FOXD3: variants seen among roughly 807,000 people sequenced by gnomAD.
FOXD3 encodes the protein forkhead box D3, also known as forkhead box protein D3.
In FOXD3, 3 loss-of-function variants were observed where a neutral mutation model predicts 3.6. That is an observed-to-expected ratio of 0.84 (90% CI 0.38 to 2.18). FOXD3 has a LOEUF of 2.18. Among genes scored for constraint, FOXD3 ranks in the 30% most tolerant of loss-of-function variants. FOXD3 has a pLI of 0.06. For missense variants in FOXD3, 686 were observed against 731.6 expected (o/e 0.94, Z 0.72); for synonymous variants, 391 against 360.9 (o/e 1.08, Z -0.94).
rs1327098369 is a variant in FOXD3, at chr1:63,323,049, C to G, written c.-10C>G. On this transcript the variant is annotated 5_prime_UTR_variant, in exon 1 of 1. Transcript: ENST00000371116. This position sits in a 1 kb window ranked among gnomAD's most constrained non-coding sequence, Gnocchi z 6.8. Reference sequence around the variant, plus strand: ...CCCCTCCCCGCCGCCGCTACCAACCCCGAGGAGGGATGACCCTCTCCGGCG... The same window carrying G: ...CCCCTCCCCGCCGCCGCTACCAACCGCGAGGAGGGATGACCCTCTCCGGCG... 4.6e-6 allele frequency: 7 copies of G among 1,529,796 alleles called. No homozygotes were observed. The Admixed American group carries it at 7.9e-5, about 17-fold the overall frequency. 94.8% of individuals were successfully genotyped at this position (1,529,796 alleles called of 1,614,324 possible).
chr1:63,322,809 C>T lies in FOXD3; in HGVS notation c.-250C>T. The stretch of plus-strand genomic sequence containing the variant: ...GGTAGCGAGCGCCTAGTACCGAGCG[C>T]CAGGGACGGCAGGAGTTCGCGGAGC... On this transcript the variant is annotated 5_prime_UTR_variant, in exon 1 of 1. Transcript: ENST00000371116. The T allele has an allele frequency of 1.0e-6, 1 of 985,398 alleles. No individual in the cohort carries two copies. The highest frequency in any genetic ancestry group is 1.2e-6 in the Non-Finnish European group (1 of 829,916). 61.0% of individuals were successfully genotyped at this position (985,398 alleles called of 1,614,324 possible).
In FOXD3 at chr1:63,324,023, C is replaced by T; in HGVS notation, c.965C>T (p.Pro322Leu). Residue 322 changes from proline (P) to leucine (L), a missense_variant, in exon 1 of 1, where the codon CCC becomes CTC. Transcript: ENST00000371116. This position sits in a 1 kb window ranked among gnomAD's most constrained non-coding sequence, Gnocchi z 4.1. ...CTGCCTCCCGCTGTGCCGCTGCTGCCCTCGGGCGAGCTGGGCCGCAAAGCG... is the reference window on the plus strand; with the variant it reads ...CTGCCTCCCGCTGTGCCGCTGCTGCTCTCGGGCGAGCTGGGCCGCAAAGCG... ...PVLPPAVPLL[P>L]SGELGRKAAA... 2.2e-6 allele frequency: 3 copies of T among 1,369,872 alleles called. No individual in the cohort carries two copies. Among genetic ancestry groups the T allele is most frequent in the Middle Eastern group, 2.7e-4 (1 of 3,754 alleles). 84.9% of individuals were successfully genotyped at this position (1,369,872 alleles called of 1,614,324 possible).
rs766785085 is a variant in FOXD3 at position 63,323,081 on chromosome 1, G to A, written c.23G>A (p.Ser8Asn). The change falls in exon 1 of 1, where the codon AGC becomes AAC. Residue 8 changes from serine to asparagine, a missense_variant. Ser to Asn is a conservative substitution (Grantham distance 46). This residue lies in a region of FOXD3 where 232 missense variants were observed against 214.0 expected (regional missense o/e 1.08). Coordinates refer to ENST00000371116, the MANE Select transcript of FOXD3 (RefSeq NM_012183.3). This position sits in a 1 kb window ranked among gnomAD's most constrained non-coding sequence, Gnocchi z 6.8. MTLSGGG[S>N]ASDMSGQTVL... is the part of the protein sequence containing the mutation. Reference sequence around the variant, plus strand: ...GGGATGACCCTCTCCGGCGGCGGCAGCGCCAGCGACATGTCCGGCCAGACG... The same window carrying A: ...GGGATGACCCTCTCCGGCGGCGGCAACGCCAGCGACATGTCCGGCCAGACG... 38 of 1,551,750 alleles carry A rather than the reference G, an allele frequency of 2.4e-5. No homozygotes were observed. The highest frequency in any genetic ancestry group is 1.1e-4 in the African/African-American group (8 of 72,024).
rs889342205 is a variant in FOXD3, at chr1:63,324,718, G to C, written c.*223G>C. On this transcript the variant is annotated 3_prime_UTR_variant, in exon 1 of 1. Transcript: ENST00000371116. This position sits in a 1 kb window ranked among gnomAD's most constrained non-coding sequence, Gnocchi z 4.1. The stretch of plus-strand genomic sequence containing the variant: ...GGTCGAGCAAACTCACCGCGCGCCC[G>C]CCGGGGATAGCTTTCCATACAGGTA... 1.8e-5 allele frequency: 10 copies of C among 565,520 alleles called. No homozygotes were observed. The Middle Eastern group carries it at 1.4e-3, about 78-fold the overall frequency. The allele number at this position is 565,520 out of a possible 1,614,324, so 35.0% of individuals were successfully genotyped here.
In FOXD3 at chr1:63,324,781, G is replaced by A. The variant is rs1170385793; in HGVS notation, c.*286G>A. Reference sequence around the variant, plus strand: ...GAATTTTCCAAAAATGCACCCCGACGGCGCCTGCTCTTAGTACCGTGGGGA... The same window carrying A: ...GAATTTTCCAAAAATGCACCCCGACAGCGCCTGCTCTTAGTACCGTGGGGA... On this transcript the variant is annotated 3_prime_UTR_variant, in exon 1 of 1. Coordinates refer to ENST00000371116, the MANE Select transcript of FOXD3 (RefSeq NM_012183.3). This position sits in a 1 kb window ranked among gnomAD's most constrained non-coding sequence, Gnocchi z 4.1. 2 of 507,490 alleles carry A rather than the reference G, an allele frequency of 3.9e-6. No homozygotes were observed. Among genetic ancestry groups the A allele is most frequent in the Non-Finnish European group, 7.1e-6 (2 of 282,488 alleles). 31.4% of individuals were successfully genotyped at this position (507,490 alleles called of 1,614,324 possible). A position where few individuals can be genotyped will look rare whatever the true frequency, so the allele number is the denominator to read the frequency against.
In FOXD3 at chr1:63,323,906, C is replaced by T; in HGVS notation, c.848C>T (p.Ala283Val). 2 of 1,338,248 alleles carry T rather than the reference C, an allele frequency of 1.5e-6. No individual in the cohort carries two copies. Among genetic ancestry groups the T allele is most frequent in the East Asian group, 3.1e-5 (1 of 32,256 alleles). 82.9% of individuals were successfully genotyped at this position (1,338,248 alleles called of 1,614,324 possible). Residue 283 changes from alanine to valine, a missense_variant, in exon 1 of 1, where the codon GCC (alanine) becomes GTC (valine). This residue lies in a region of FOXD3 where 370 missense variants were observed against 372.3 expected (regional missense o/e 0.99). Coordinates refer to ENST00000371116, the MANE Select transcript of FOXD3 (RefSeq NM_012183.3). The surrounding 1 kb of genome is among the most constrained non-coding windows in gnomAD (Gnocchi z 6.8). Reference sequence around the variant, plus strand: ...TACGGCCTGCACCCTGCGGCGGCGGCCGGTGCCTATTCGCACCCGGCAGCG... The same window carrying T: ...TACGGCCTGCACCCTGCGGCGGCGGTCGGTGCCTATTCGCACCCGGCAGCG... ...RPYGLHPAAAAGAYSHPAAAA... is the reference protein window; with the variant it reads ...RPYGLHPAAAVGAYSHPAAAA...
chr1:63,323,804 C>A lies in FOXD3; in HGVS notation c.746C>A (p.Thr249Lys), dbSNP rs770933954. The change falls in exon 1 of 1, where the codon ACG (threonine) becomes AAG (lysine). Residue 249 changes from threonine (T) to lysine (K), a missense_variant. This residue lies in a region of FOXD3 where 370 missense variants were observed against 372.3 expected (regional missense o/e 0.99). Transcript: ENST00000371116. The surrounding 1 kb of genome is among the most constrained non-coding windows in gnomAD (Gnocchi z 6.8). The part of the protein sequence containing the change: ...RHQQEHLREQ[T>K]ALMMQSFGAY... Reference sequence around the variant, plus strand: ...CAGCAGGAGCACCTGCGCGAGCAGACGGCGCTCATGATGCAGAGCTTCGGC... The same window carrying A: ...CAGCAGGAGCACCTGCGCGAGCAGAAGGCGCTCATGATGCAGAGCTTCGGC... 1 of 1,548,778 alleles carries A rather than the reference C, an allele frequency of 6.5e-7. No homozygotes were observed. The highest frequency in any genetic ancestry group is 1.4e-5 in the African/African-American group (1 of 72,000).
rs1221742712 is a variant in FOXD3 at position 63,323,315 on chromosome 1, C to T, written c.257C>T (p.Ala86Val). 6.5e-6 allele frequency: 9 copies of T among 1,381,552 alleles called. No individual in the cohort carries two copies. In the East Asian group the frequency reaches 2.5e-4, roughly 38 times the overall value. 85.6% of individuals were successfully genotyped at this position (1,381,552 alleles called of 1,614,324 possible). A position where few individuals can be genotyped will look rare whatever the true frequency, so the allele number is the denominator to read the frequency against. ...CCCCTGACATTGCCCAAGGAGGCGG[C>T]CGGAGCCGGGGCCGGACCGGGGGGC... ...QQPLTLPKEA[A>V]GAGAGPGGDV... Residue 86 changes from alanine to valine, a missense_variant, in exon 1 of 1, where the codon GCC becomes GTC. Transcript: ENST00000371116. This position sits in a 1 kb window ranked among gnomAD's most constrained non-coding sequence, Gnocchi z 6.8.
In FOXD3 at chr1:63,322,595, G is replaced by A; in HGVS notation, c.-464G>A. ...TAAAACGGGACTTTCGACTACCGGG[G>A]CTTCGGCGTCCCTGACACCCAGCCC... is the stretch of plus-strand genomic sequence containing the variant. On this transcript the variant is annotated 5_prime_UTR_variant, in exon 1 of 1. Coordinates refer to ENST00000371116, the MANE Select transcript of FOXD3 (RefSeq NM_012183.3). 3.1e-6 allele frequency: 3 copies of A among 977,876 alleles called. No individual in the cohort carries two copies. The highest frequency in any genetic ancestry group is 3.6e-6 in the Non-Finnish European group (3 of 821,928). 60.6% of individuals were successfully genotyped at this position (977,876 alleles called of 1,614,324 possible). A position where few individuals can be genotyped will look rare whatever the true frequency, so the allele number is the denominator to read the frequency against.
At position 63,322,659 on chromosome 1, in the gene FOXD3, A is replaced by T; in HGVS notation, c.-400A>T. On this transcript the variant is annotated 5_prime_UTR_variant, in exon 1 of 1. Coordinates refer to ENST00000371116, the MANE Select transcript of FOXD3 (RefSeq NM_012183.3). ...TACTGTCCCTGCCCGCGCCCTCCCG[A>T]GCTGCTCGGCGCCCGGCGTCCCGCG... The T allele has an allele frequency of 1.0e-6, 1 of 964,324 alleles. No individual in the cohort carries two copies. The highest frequency in any genetic ancestry group is 1.2e-6 in the Non-Finnish European group (1 of 811,336). 59.7% of individuals were successfully genotyped at this position (964,324 alleles called of 1,614,324 possible). A position where few individuals can be genotyped will look rare whatever the true frequency, so the allele number is the denominator to read the frequency against.
Position 63,323,333 on chromosome 1 carries a change from C to T in FOXD3, c.275C>T (p.Pro92Leu), listed in dbSNP as rs2100339073. The change falls in exon 1 of 1, where the codon CCG becomes CTG. Residue 92 changes from proline to leucine, a missense_variant. By Grantham distance (98) the Pro-to-Leu change is moderately conservative. Transcript: ENST00000371116. The surrounding 1 kb of genome is among the most constrained non-coding windows in gnomAD (Gnocchi z 6.8). ...PKEAAGAGAG[P>L]GGDVGAPEAD... ...GAGGCGGCCGGAGCCGGGGCCGGAC[C>T]GGGGGGCGACGTGGGCGCGCCGGAG... 7.4e-7 allele frequency: 1 copy of T among 1,348,686 alleles called. No homozygotes were observed. The allele number at this position is 1,348,686 out of a possible 1,614,324, so 83.5% of individuals were successfully genotyped here. A position where few individuals can be genotyped will look rare whatever the true frequency, so the allele number is the denominator to read the frequency against.
rs1202827482 is a variant in FOXD3 at position 63,323,482 on chromosome 1, C to T, written c.424C>T (p.Pro142Ser). Residue 142 changes from proline (P) to serine (S), a missense_variant, in exon 1 of 1, where the codon CCG becomes TCG. Physicochemically the swap from Pro to Ser is moderately conservative, Grantham distance 74 (BLOSUM62 -1). Coordinates refer to ENST00000371116, the MANE Select transcript of FOXD3 (RefSeq NM_012183.3). The surrounding 1 kb of genome is among the most constrained non-coding windows in gnomAD (Gnocchi z 6.8). ...PSKPKNSLVKPPYSYIALITM... is the reference protein window; with the variant it reads ...PSKPKNSLVKSPYSYIALITM... Reference sequence around the variant, plus strand: ...CAAGCCCAAGAACAGCCTAGTGAAGCCGCCTTACTCGTACATCGCGCTCAT... The same window carrying T: ...CAAGCCCAAGAACAGCCTAGTGAAGTCGCCTTACTCGTACATCGCGCTCAT... The T allele has an allele frequency of 1.9e-6, 3 of 1,613,738 alleles. No individual in the cohort carries two copies. The highest frequency in any genetic ancestry group is 2.5e-6 in the Non-Finnish European group (3 of 1,179,938).
In FOXD3 at chr1:63,323,424, G is replaced by A. The variant is rs764730613; in HGVS notation, c.366G>A (p.Ala122=). 1.3e-6 allele frequency: 2 copies of A among 1,554,864 alleles called. No individual in the cohort carries two copies. Among genetic ancestry groups the A allele is most frequent in the Admixed American group, 1.9e-5 (1 of 51,848 alleles). ...GCGCGAGCGGCGGCGGGCCTGGCGC[G>A]GGCAGCGGTTCGGCGGGAGGCCTGG... ...EGGASGGGPG[A]GSGSAGGLAP... Residue 122 remains alanine, a synonymous_variant, in exon 1 of 1, where the codon GCG becomes GCA. Transcript: ENST00000371116. This position sits in a 1 kb window ranked among gnomAD's most constrained non-coding sequence, Gnocchi z 6.8.
Position 63,323,151 on chromosome 1 carries a change from C to T in FOXD3, c.93C>T (p.Gly31=). 1.9e-6 allele frequency: 3 copies of T among 1,569,000 alleles called. No individual in the cohort carries two copies. The highest frequency in any genetic ancestry group is 1.4e-5 in the African/African-American group (1 of 72,624). ...EDVDIDVVGE[G]DDGLEEKDSD... Reference sequence around the variant, plus strand: ...TGGACATCGATGTGGTGGGCGAGGGCGACGACGGGCTGGAAGAGAAGGACA... The same window carrying T: ...TGGACATCGATGTGGTGGGCGAGGGTGACGACGGGCTGGAAGAGAAGGACA... Residue 31 remains glycine, a synonymous_variant, in exon 1 of 1, where the codon GGC becomes GGT. Transcript: ENST00000371116. The surrounding 1 kb of genome is among the most constrained non-coding windows in gnomAD (Gnocchi z 6.8).
In FOXD3 at chr1:63,323,880, C is replaced by G; in HGVS notation, c.822C>G (p.Pro274=). The G allele has an allele frequency of 6.6e-7, 1 of 1,517,944 alleles. No homozygotes were observed. The highest frequency in any genetic ancestry group is 8.8e-7 in the Non-Finnish European group (1 of 1,140,274). The allele number at this position is 1,517,944 out of a possible 1,614,324, so 94.0% of individuals were successfully genotyped here. Residue 274 remains proline, a synonymous_variant, in exon 1 of 1, where the codon CCC becomes CCG. Transcript: ENST00000371116. The surrounding 1 kb of genome is among the most constrained non-coding windows in gnomAD (Gnocchi z 6.8). The part of the protein sequence containing the change: ...AAGAAGPYGR[P]YGLHPAAAAG... ...GCGCCGCGGGACCCTACGGCCGCCC[C>G]TACGGCCTGCACCCTGCGGCGGCGG... is the stretch of plus-strand genomic sequence containing the variant.
chr1:63,325,008 A>T lies in FOXD3; in HGVS notation c.*513A>T, dbSNP rs764208341. ...ATTTTAAATATAAAAAATTTTCAAAAAGGCAAAAAGTGTCATTCTATTATA... is the reference window on the plus strand; with the variant it reads ...ATTTTAAATATAAAAAATTTTCAAATAGGCAAAAAGTGTCATTCTATTATA... On this transcript the variant is annotated 3_prime_UTR_variant, in exon 1 of 1. Coordinates refer to ENST00000371116, the MANE Select transcript of FOXD3 (RefSeq NM_012183.3). The T allele has an allele frequency of 5.9e-6, 1 of 168,084 alleles. No homozygotes were observed. Among genetic ancestry groups the T allele is most frequent in the Non-Finnish European group, 1.5e-5 (1 of 68,950 alleles). 10.4% of individuals were successfully genotyped at this position (168,084 alleles called of 1,614,324 possible). A position where few individuals can be genotyped will look rare whatever the true frequency, so the allele number is the denominator to read the frequency against.
chr1:63,323,557 A>G lies in FOXD3; in HGVS notation c.499A>G (p.Ile167Val). The change falls in exon 1 of 1, where the codon ATC becomes GTC. Residue 167 changes from isoleucine to valine, a missense_variant. By Grantham distance (29) the Ile-to-Val change is conservative. Coordinates refer to ENST00000371116, the MANE Select transcript of FOXD3 (RefSeq NM_012183.3). The surrounding 1 kb of genome is among the most constrained non-coding windows in gnomAD (Gnocchi z 6.8). ...SPQKKLTLSG[I>V]CEFISNRFPY... ...GCAGAAGAAGCTGACCCTGAGCGGC[A>G]TCTGCGAGTTCATCAGCAACCGCTT... is the stretch of plus-strand genomic sequence containing the variant. 6.2e-7 allele frequency: 1 copy of G among 1,614,168 alleles called. No homozygotes were observed.
chr1:63,324,583 G>T lies in FOXD3; in HGVS notation c.*88G>T, dbSNP rs980735010. 1.0e-6 allele frequency: 1 copy of T among 986,998 alleles called. No individual in the cohort carries two copies. Among genetic ancestry groups the T allele is most frequent in the African/African-American group, 1.7e-5 (1 of 59,454 alleles). 61.1% of individuals were successfully genotyped at this position (986,998 alleles called of 1,614,324 possible). A position where few individuals can be genotyped will look rare whatever the true frequency, so the allele number is the denominator to read the frequency against. ...GGCTGCGCGCCCTGTCCCAAGCCCG[G>T]TCCCGGTCCCGCTGCCCAATCCTGG... is the stretch of plus-strand genomic sequence containing the variant. On this transcript the variant is annotated 3_prime_UTR_variant, in exon 1 of 1. Transcript: ENST00000371116. The surrounding 1 kb of genome is among the most constrained non-coding windows in gnomAD (Gnocchi z 4.1).
rs1385437580 is a variant in FOXD3, at chr1:63,324,522, G to T, written c.*27G>T. On this transcript the variant is annotated 3_prime_UTR_variant, in exon 1 of 1. Transcript: ENST00000371116. This position sits in a 1 kb window ranked among gnomAD's most constrained non-coding sequence, Gnocchi z 4.1. Reference sequence around the variant, plus strand: ...GACGCGCCAATGGCCGGGACCCAGGGTCCGGCGGCGGCCTCGAGCAACAAA... The same window carrying T: ...GACGCGCCAATGGCCGGGACCCAGGTTCCGGCGGCGGCCTCGAGCAACAAA... 2 of 1,505,250 alleles carry T rather than the reference G, an allele frequency of 1.3e-6. No homozygotes were observed. The allele number at this position is 1,505,250 out of a possible 1,614,324, so 93.2% of individuals were successfully genotyped here.
Sources: allele counts gnomAD v4.1 joint callset, GRCh38; gene constraint gnomAD v4.1.1; regional missense constraint gnomAD v4.1.1; non-coding constraint Gnocchi (gnomAD v3.1); transcripts MANE v1.5; gene names NCBI Gene and HGNC (gene_info 2026-07-23, HGNC 2026-07-21).